The following DNAJC13 variants were observed in gnomAD, a reference collection of about 807,000 sequenced individuals.
The protein encoded by DNAJC13 is DnaJ heat shock protein family (Hsp40) member C13.
Under a neutral mutation model 290.5 loss-of-function variants are expected in DNAJC13, and 75 were observed. The ratio of observed to expected loss-of-function variants is 0.26; its 90% CI spans 0.21 to 0.31. DNAJC13 has a LOEUF of 0.31. Among genes scored for constraint, DNAJC13 ranks in the 10% least tolerant of loss-of-function variants. The pLI is 1.00. For synonymous variants in DNAJC13, 862 were observed against 892.0 expected (o/e 0.97, Z 0.60); for missense variants, 2,260 against 2,674.5 (o/e 0.85, Z 3.42).
chr3:132,521,952 T>A (rs959308265), intron 48 of DNAJC13, among the ~76,000 whole-genome samples: 1 of 152,230 alleles, frequency 6.6e-6, no homozygotes, highest in Non-Finnish European at 1.5e-5. Flanking sequence ...TGTTCTGTTA[T>A]GTAATTGAAA....
At position 132,514,652 on chromosome 3, in the gene DNAJC13, C is replaced by G; in HGVS notation, c.5467C>G (p.Leu1823Val). The G allele has an allele frequency of 6.2e-7, 1 of 1,610,264 alleles. No individual in the cohort carries two copies. Among genetic ancestry groups the G allele is most frequent in the Non-Finnish European group, 8.5e-7 (1 of 1,178,200 alleles). ...GGTTTTGTCCAGTTTATTGGCTCTT[C>G]TACATTCATTGCCATCAAGTATGTA... ...SMVLSSLLAL[L>V]HSLPSSRQLV... Residue 1823 changes from leucine (L) to valine (V), a missense_variant, in exon 46 of 56, where the codon CTA becomes GTA. Coordinates refer to ENST00000260818, the MANE Select transcript of DNAJC13 (RefSeq NM_015268.4).
chr3:132,514,683 A>T lies in DNAJC13; in HGVS notation c.5485+13A>T. On this transcript the variant is annotated intron_variant, in intron 46 of 55. Coordinates refer to ENST00000260818, the MANE Select transcript of DNAJC13 (RefSeq NM_015268.4). Reference sequence around the variant, plus strand: ...TCATTGCCATCAAGTATGTATACAGATGGAATTTTGGAAACCACAGCAAGA... The same window carrying T: ...TCATTGCCATCAAGTATGTATACAGTTGGAATTTTGGAAACCACAGCAAGA... 6.3e-7 allele frequency: 1 copy of T among 1,599,158 alleles called. No homozygotes were observed. The highest frequency in any genetic ancestry group is 1.7e-5 in the Admixed American group (1 of 58,620).
chr3:132,488,322 C>G lies in DNAJC13; in HGVS notation c.3292C>G (p.Leu1098Val), dbSNP rs1934951101. The G allele has an allele frequency of 2.5e-6, 4 of 1,611,144 alleles. No homozygotes were observed. Among genetic ancestry groups the G allele is most frequent in the Non-Finnish European group, 3.4e-6 (4 of 1,178,786 alleles). ...GCTACTGCTGACCTTTGACCCTATCCTTGTTGAGAAGGTTGCTATTTTGTT... is the reference window on the plus strand; with the variant it reads ...GCTACTGCTGACCTTTGACCCTATCGTTGTTGAGAAGGTTGCTATTTTGTT... ...IQLLLTFDPI[L>V]VEKVAILLYH... Residue 1098 changes from leucine (L) to valine (V), a missense_variant, in exon 30 of 56, where the codon CTT becomes GTT. Physicochemically the swap from Leu to Val is conservative, Grantham distance 32. This residue lies in a region of DNAJC13 where 1,494 missense variants were observed against 1,693.7 expected (regional missense o/e 0.88). Transcript: ENST00000260818.
chr3:132,444,034 A>G (rs1933164130), intron 2 of DNAJC13, among the ~76,000 whole-genome samples: 1 of 152,220 alleles, frequency 6.6e-6, no homozygotes, highest in South Asian at 2.1e-4. Context: ...GGGGCCCCCA[A>G]GCCCAGGTTT....
At chr3:132,522,107 G>T (rs1936109321) in intron 48 of DNAJC13, among the ~76,000 whole-genome samples, 1 of 152,120 alleles carries the variant, frequency 6.6e-6, no homozygotes, top group Non-Finnish European at 1.5e-5. Flanking sequence ...TGTGCCAGGG[G>T]CTGAGAATAC....
intron 9 of DNAJC13, 61 bp from the exon 10 acceptor site, chr3:132,456,174 A>T: frequency 6.7e-7 from 1 of 1,502,526 alleles, no homozygotes; most frequent in Non-Finnish European, 9.1e-7. Flanking sequence ...GCTTCATGCT[A>T]GATCAAAATT....
Position 132,499,739 on chromosome 3 carries a change from A to G in DNAJC13, c.4347A>G (p.Leu1449=). The G allele has an allele frequency of 6.2e-7, 1 of 1,614,142 alleles. No homozygotes were observed. The highest frequency in any genetic ancestry group is 8.5e-7 in the Non-Finnish European group (1 of 1,179,992). ...ELRRENGLEV[L]QEAFSRCVAV... is the part of the protein sequence containing the mutation. ...GCTGACTTCTTCCTCTGCAGGTGTT[A>G]CAAGAGGCATTTAGTCGCTGTGTGG... The change falls in exon 38 of 56, where the codon TTA becomes TTG. Residue 1449 remains leucine, a synonymous_variant. Transcript: ENST00000260818.
At chr3:132,425,780 C>T (rs568799406) in intron 1 of DNAJC13, among the ~76,000 whole-genome samples, 1 of 151,778 alleles carries the variant, frequency 6.6e-6, no homozygotes, top group Non-Finnish European at 1.5e-5. Flanking sequence ...ATTCATTCAT[C>T]CCTAGTTAAA....
At chr3:132,469,594 G>T (rs140800470) in intron 20 of DNAJC13, among the ~76,000 whole-genome samples, 3 of 152,116 alleles carry the variant, frequency 2.0e-5, no homozygotes, top group Non-Finnish European at 4.4e-5. Flanking sequence ...GGGGAGGAGG[G>T]ATTGAAGAAA....
At chr3:132,484,556 A>T (rs1311593798) in intron 28 of DNAJC13, 32 bp from the exon 29 acceptor site, 4 of 1,587,646 alleles carry the variant, frequency 2.5e-6, no homozygotes, top group African/African-American at 1.3e-5. Flanking sequence ...TAACAAATAT[A>T]TTAAATGTTG....
intron 55 of DNAJC13, chr3:132,537,366 C>A: frequency 2.5e-6 from 1 of 395,096 alleles, no homozygotes; most frequent in South Asian, 1.8e-5. Context: ...ACAATTTCAG[C>A]TAAAACTATT....
At chr3:132,466,564 C>T (rs1237982910) in intron 19 of DNAJC13, among the ~76,000 whole-genome samples, 170 bp downstream of exon 19, 1 of 152,098 alleles carries the variant, frequency 6.6e-6, no homozygotes, top group Non-Finnish European at 1.5e-5. Context: ...CCATAATATT[C>T]ATCTTTTTAA....
chr3:132,472,567 A>G lies in DNAJC13; in HGVS notation c.2209-578A>G, dbSNP rs571406166. On this transcript the variant is annotated intron_variant, in intron 20 of 55. Coordinates refer to ENST00000260818, the MANE Select transcript of DNAJC13 (RefSeq NM_015268.4). ...TACGATTAAATTCAGGACAAAAACAATATGGTGAGTGTAAGTTCCTGCTAC... is the reference window on the plus strand; with the variant it reads ...TACGATTAAATTCAGGACAAAAACAGTATGGTGAGTGTAAGTTCCTGCTAC... The G allele has an allele frequency of 1.9e-5, 19 of 985,454 alleles. No individual in the cohort carries two copies. In the South Asian group the frequency reaches 5.6e-4, roughly 29 times the overall value. 61.0% of individuals were successfully genotyped at this position (985,454 alleles called of 1,614,324 possible).
rs183266962 is a variant in DNAJC13 at position 132,450,941 on chromosome 3, G to T, written c.537+94G>T. ...TTTATACTTCATTTTGAAATTTCACGTGAGTCCTCTGGAAGGAAGTATAAT... is the reference window on the plus strand; with the variant it reads ...TTTATACTTCATTTTGAAATTTCACTTGAGTCCTCTGGAAGGAAGTATAAT... On this transcript the variant is annotated intron_variant, in intron 6 of 55. Coordinates refer to ENST00000260818, the MANE Select transcript of DNAJC13 (RefSeq NM_015268.4). The T allele has an allele frequency of 7.1e-6, 5 of 699,948 alleles. No homozygotes were observed. In the African/African-American group the frequency reaches 7.2e-5, roughly 10 times the overall value. The allele number at this position is 699,948 out of a possible 1,614,324, so 43.4% of individuals were successfully genotyped here.
intron 48 of DNAJC13, among the ~76,000 whole-genome samples, chr3:132,518,245 T>G (rs1935979861): frequency 2.6e-5 from 4 of 152,202 alleles, no homozygotes; most frequent in Admixed American, 2.6e-4. Context: ...TTGAAATACG[T>G]GAGGGACAAA....
intron 1 of DNAJC13, among the ~76,000 whole-genome samples, chr3:132,422,298 G>C (rs1938983908): frequency 6.6e-6 from 1 of 151,784 alleles, no homozygotes; most frequent in South Asian, 2.1e-4. Flanking sequence ...CAGCCTCTCA[G>C]AATGCTGGGA....
At position 132,526,187 on chromosome 3, in the gene DNAJC13, T is replaced by A. The variant is rs761109223; in HGVS notation, c.6287T>A (p.Met2096Lys). The A allele has an allele frequency of 6.2e-7, 1 of 1,613,998 alleles. No individual in the cohort carries two copies. The highest frequency in any genetic ancestry group is 1.3e-5 in the African/African-American group (1 of 74,926). The change falls in exon 53 of 56, where the codon ATG becomes AAG. Residue 2096 changes from methionine to lysine, a missense_variant. Met to Lys is a moderately conservative substitution (Grantham distance 95, BLOSUM62 -1). Transcript: ENST00000260818. ...TCTTTAGAGACCATTGGCCCACTGA[T>A]GAATGGAATGAAAAAGCGAGCAGAT... ...MASLETIGPL[M>K]NGMKKRADTV...
intron 1 of DNAJC13, among the ~76,000 whole-genome samples, chr3:132,418,422 A>G (rs1576448315): frequency 6.6e-6 from 1 of 152,258 alleles, no homozygotes; most frequent in Admixed American, 6.5e-5. Flanking sequence ...ATCACTTGAT[A>G]CTTAACTATG....
intron 2 of DNAJC13, among the ~76,000 whole-genome samples, chr3:132,437,708 T>G (rs1215040735): frequency 6.6e-6 from 1 of 152,220 alleles, no homozygotes; most frequent in Non-Finnish European, 1.5e-5. Flanking sequence ...TTGTCTTGAT[T>G]ATTATAGCTT....
Sources: allele counts gnomAD v4.1 joint callset (sites outside exome capture counted in the v4.1 genomes callset), GRCh38; gene constraint gnomAD v4.1.1; regional missense constraint gnomAD v4.1.1; transcripts MANE v1.5; gene names NCBI Gene and HGNC (gene_info 2026-07-23, HGNC 2026-07-21).